Variants in ABCD3 observed in about 807,000 individuals in gnomAD.
ABCD3 encodes the protein ATP-binding cassette sub-family D member 3.
Under a neutral mutation model 105.5 loss-of-function variants are expected in ABCD3, and 41 were observed. The observed-to-expected ratio is 0.39, with a 90% CI of 0.30 to 0.50. ABCD3 has a LOEUF of 0.50. Ranked by LOEUF, ABCD3 falls within the 20% of genes least tolerant of loss-of-function variation. ABCD3 has a pLI of 0.84. For synonymous variants in ABCD3, 258 were observed against 269.0 expected (o/e 0.96, Z 0.40); for missense variants, 622 against 806.3 (o/e 0.77, Z 2.77).
chr1:94,489,785 T>C lies in ABCD3; in HGVS notation c.1218T>C (p.Tyr406=). 6.2e-7 allele frequency: 1 copy of C among 1,613,308 alleles called. No individual in the cohort carries two copies. The highest frequency in any genetic ancestry group is 8.5e-7 in the Non-Finnish European group (1 of 1,179,476). The change falls in exon 14 of 23, where the codon TAT becomes TAC. Residue 406 remains tyrosine (Y), a synonymous_variant. Coordinates refer to ENST00000370214, the MANE Select transcript of ABCD3 (RefSeq NM_002858.4). ...TGAAGGATTTAAATCATGGCAAATA[T>C]GAGCGCACAATGGTCTCACAACAGG... ...QVLKDLNHGK[Y]ERTMVSQQEK...
chr1:94,422,056 A>G (rs1440866499), intron 1 of ABCD3, among the ~76,000 whole-genome samples: 2 of 152,222 alleles, frequency 1.3e-5, no homozygotes, highest in Admixed American at 6.5e-5. Flanking sequence ...GCATGAGCCA[A>G]CTTGCCCAGC....
At chr1:94,453,323 CTTTT>C (rs766404829) in intron 1 of ABCD3, among the ~76,000 whole-genome samples, 2 of 135,454 alleles carry the variant, frequency 1.5e-5, no homozygotes, top group Admixed American at 1.5e-4. Context: ...TTATATTTTT[CTTTT>C]TTTTTTTTTT....
the ABCD3 span, among the ~76,000 whole-genome samples, chr1:94,395,917 G>C: frequency 2.0e-5 from 3 of 152,006 alleles, no homozygotes; most frequent in African/African-American, 4.8e-5. Flanking sequence ...CACACACACA[G>C]AGACAGACAG....
intron 4 of ABCD3, among the ~76,000 whole-genome samples, chr1:94,472,921 T>C (rs942980627): frequency 6.6e-6 from 1 of 152,346 alleles, no homozygotes; most frequent in South Asian, 2.1e-4. Context: ...CATAGACATA[T>C]CTTACTCAAA....
At chr1:94,439,230 A>C (rs1660043798) in intron 1 of ABCD3, among the ~76,000 whole-genome samples, 1 of 151,918 alleles carries the variant, frequency 6.6e-6, no homozygotes, top group African/African-American at 2.4e-5. Flanking sequence ...TAAATATGTT[A>C]CTCTATTGTT....
At chr1:94,454,364 C>T (rs1019816439) in intron 1 of ABCD3, among the ~76,000 whole-genome samples, 1 of 152,022 alleles carries the variant, frequency 6.6e-6, no homozygotes, top group African/African-American at 2.4e-5. Flanking sequence ...TGATTTAGGG[C>T]TTATGTTCAG....
chr1:94,398,492 A>T, the ABCD3 span, among the ~76,000 whole-genome samples: 2 of 152,178 alleles, frequency 1.3e-5, no homozygotes, highest in South Asian at 4.1e-4. Flanking sequence ...TTTCAGTAAA[A>T]ACACTGTTTT....
intron 1 of ABCD3, among the ~76,000 whole-genome samples, chr1:94,454,491 C>T (rs978750718): frequency 1.1e-4 from 17 of 151,858 alleles, no homozygotes; most frequent in African/African-American, 3.1e-4. Context: ...GTCAGGGGCT[C>T]GGGAAAGAGG....
At chr1:94,454,843 G>T (rs61772852) in intron 1 of ABCD3, among the ~76,000 whole-genome samples, 1 of 152,034 alleles carries the variant, frequency 6.6e-6, no homozygotes, top group Non-Finnish European at 1.5e-5. Flanking sequence ...GTAGAGACAG[G>T]GTTTTGCCAT....
chr1:94,472,281 T>G (rs1648492947), intron 4 of ABCD3: 6 of 924,922 alleles, frequency 6.5e-6, no homozygotes, highest in Non-Finnish European at 7.7e-6. Flanking sequence ...CTTGTGTGTT[T>G]CACAGCTTGG....
chr1:94,408,211 CA>C, the ABCD3 span, among the ~76,000 whole-genome samples: 4 of 152,138 alleles, frequency 2.6e-5, no homozygotes, highest in Non-Finnish European at 5.9e-5. Flanking sequence ...ATAGAGAAAA[CA>C]TAACAGAAAG....
upstream of ABCD3, among the ~76,000 whole-genome samples, chr1:94,417,684 A>G (rs774266492): frequency 6.6e-6 from 1 of 152,270 alleles, no homozygotes; most frequent in Non-Finnish European, 1.5e-5. Flanking sequence ...CATACGTGCA[A>G]AACACTGAAA....
At position 94,503,906 on chromosome 1, in the gene ABCD3, C is replaced by CTTTT. The variant is rs71097203; in HGVS notation, c.1741-2611_1741-2608dup. On this transcript the variant is annotated intron_variant, in intron 20 of 22. Transcript: ENST00000370214. ...CTTCACCTCTCAGGTACAAGTGATT[C>CTTTT]TTTTTTTTTTTTTTTTTTTTTTTTG... is the stretch of plus-strand genomic sequence containing the variant. Among the ~76,000 whole-genome samples, 83 of 69,778 alleles carry CTTTT rather than the reference C, an allele frequency of 1.2e-3. 3 individuals are homozygous for CTTTT. The highest frequency in any genetic ancestry group is 1.3e-3 in the Non-Finnish European group (49 of 38,044). 45.8% of individuals were successfully genotyped at this position (69,778 alleles called of 152,430 possible). A position where few individuals can be genotyped will look rare whatever the true frequency, so the allele number is the denominator to read the frequency against.
chr1:94,450,262 C>T (rs962105909), intron 1 of ABCD3, among the ~76,000 whole-genome samples: 4 of 152,218 alleles, frequency 2.6e-5, no homozygotes, highest in Non-Finnish European at 4.4e-5. Context: ...GTGACAAAGC[C>T]GCCTTTGCTT....
the ABCD3 span, among the ~76,000 whole-genome samples, chr1:94,398,807 T>C: frequency 6.6e-6 from 1 of 151,956 alleles, no homozygotes; most frequent in African/African-American, 2.4e-5. Context: ...CCAGCTACTC[T>C]GGAGGCTGAG....
intron 1 of ABCD3, among the ~76,000 whole-genome samples, chr1:94,453,740 A>AT (rs983461685): frequency 2.7e-4 from 39 of 144,088 alleles, no homozygotes; most frequent in African/African-American, 9.2e-4. Flanking sequence ...TTTTGTGCTC[A>AT]TTTTTTTTAT....
intron 1 of ABCD3, among the ~76,000 whole-genome samples, chr1:94,434,679 G>T (rs974677452): frequency 6.6e-6 from 1 of 152,156 alleles, no homozygotes. Flanking sequence ...TACTCTAAGA[G>T]TTAAGGCACC....
At chr1:94,469,500 T>G (rs1648337565) in intron 4 of ABCD3, among the ~76,000 whole-genome samples, 1 of 151,050 alleles carries the variant, frequency 6.6e-6, no homozygotes, top group African/African-American at 2.4e-5. Context: ...AGTTTTTTTT[T>G]TTTTTTTTTA....
At chr1:94,494,179 CATT>C (rs1228102103) in intron 16 of ABCD3, among the ~76,000 whole-genome samples, 2 of 152,016 alleles carry the variant, frequency 1.3e-5, no homozygotes, top group African/African-American at 2.4e-5. Flanking sequence ...TTATGATACT[CATT>C]ATGTTGAAAA....
Sources: gnomAD v4.1 joint callset for allele counts (sites outside exome capture counted in the v4.1 genomes callset) on GRCh38, gnomAD v4.1.1 for gene constraint, MANE v1.5 for transcripts, NCBI Gene and HGNC (gene_info 2026-07-23, HGNC 2026-07-21) for gene names.